Variants in ACOX3 observed in about 807,000 individuals in gnomAD.
ACOX3 encodes the protein acyl-CoA oxidase 3, pristanoyl, also known as peroxisomal acyl-coenzyme A oxidase 3.
In ACOX3, 73 loss-of-function variants were observed where a neutral mutation model predicts 81.5. The ratio of observed to expected loss-of-function variants is 0.90; its 90% CI spans 0.74 to 1.09. The LOEUF is 1.09. Among genes scored for constraint, ACOX3 ranks in the 50% least tolerant of loss-of-function variants. The probability of loss-of-function intolerance (pLI) is 0.00; values close to 1 mark genes in which losing one functional copy is unlikely to be tolerated. For missense variants in ACOX3, 947 were observed against 928.0 expected, an observed-to-expected ratio of 1.02 and a Z score of -0.27; for synonymous variants, 387 against 375.1, an observed-to-expected ratio of 1.03 and a Z score of -0.37.
chr4:8,374,062 G>A, intron 15 of ACOX3: 1 of 208,496 alleles, frequency 4.8e-6, no homozygotes, highest in South Asian at 8.2e-5. Context: ...TGGGGGCGGT[G>A]GGCACCTGCA....
At chr4:8,415,003 CAA>C (rs751494463) in intron 3 of ACOX3, 75 bp from the exon 4 acceptor site, 474 of 1,292,776 alleles carry the variant, frequency 3.7e-4, no homozygotes, top group Admixed American at 6.9e-4. Context: ...TCACAACAGA[CAA>C]CGGCACTCAA....
chr4:8,423,062 G>A lies in ACOX3; in HGVS notation c.-14-6527C>T, dbSNP rs566055954. Among the ~76,000 whole-genome samples, 3 of 152,174 alleles carry A rather than the reference G, an allele frequency of 2.0e-5. No homozygotes were observed. Among genetic ancestry groups the A allele is most frequent in the Non-Finnish European group, 2.9e-5 (2 of 68,042 alleles). ...ATGCTTGACCATTGGGGGCCAGAAGGTTAACTGTCTCCTGAACACTGGCAT... is the reference window on the plus strand; with the variant it reads ...ATGCTTGACCATTGGGGGCCAGAAGATTAACTGTCTCCTGAACACTGGCAT... On this transcript the variant is annotated intron_variant, in intron 1 of 17. Coordinates refer to ENST00000356406, the MANE Select transcript of ACOX3 (RefSeq NM_003501.3). The surrounding 1 kb of genome is among the most constrained non-coding windows in gnomAD (Gnocchi z 4.2).
chr4:8,379,609 T>C (rs538811844), intron 14 of ACOX3, among the ~76,000 whole-genome samples: 68 of 152,148 alleles, frequency 4.5e-4, no homozygotes, highest in African/African-American at 1.5e-3. Context: ...ACTCGGGGTG[T>C]TGTGGGGTCA....
At chr4:8,372,584 G>A (rs1027080117) in intron 16 of ACOX3, among the ~76,000 whole-genome samples, 1 of 152,184 alleles carries the variant, frequency 6.6e-6, no homozygotes, top group African/African-American at 2.4e-5. Flanking sequence ...ATGTTAAGAC[G>A]AGTAAATGTG....
intron 6 of ACOX3, among the ~76,000 whole-genome samples, chr4:8,409,390 G>A (rs565626039): frequency 6.9e-6 from 1 of 144,646 alleles, no homozygotes; most frequent in South Asian, 2.3e-4. Flanking sequence ...ACCGTGGGAG[G>A]GGCTGCGGGA....
chr4:8,369,470 T>TCA (rs1213165330), intron 17 of ACOX3, among the ~76,000 whole-genome samples: 2 of 152,154 alleles, frequency 1.3e-5, no homozygotes, highest in East Asian at 3.9e-4. Context: ...GCGGCAGTCA[T>TCA]CATCTGGGCT....
At position 8,414,343 on chromosome 4, in the gene ACOX3, G is replaced by A; in HGVS notation, c.492C>T (p.Gly164=). The A allele has an allele frequency of 6.2e-7, 1 of 1,614,142 alleles. No individual in the cohort carries two copies. The highest frequency in any genetic ancestry group is 8.5e-7 in the Non-Finnish European group (1 of 1,180,028). The change falls in exon 5 of 18, where the codon GGC becomes GGT. Residue 164 remains glycine, a synonymous_variant. Transcript: ENST00000356406. This position sits in a 1 kb window ranked among gnomAD's most constrained non-coding sequence, Gnocchi z 6.1. The part of the protein sequence containing the change: ...GCFALTELSH[G]SNTKAIRTTA... The stretch of plus-strand genomic sequence containing the variant: ...TTGTGCGAATGGCCTTGGTATTACT[G>A]CCGTGGCTTAATTCGGTCAGAGCAA...
intron 7 of ACOX3, among the ~76,000 whole-genome samples, chr4:8,403,412 G>A (rs1720577469): frequency 2.6e-5 from 4 of 152,296 alleles, no homozygotes; most frequent in Middle Eastern, 3.4e-3. Flanking sequence ...GGAAAGGGGC[G>A]GAGAGCAGGC....
chr4:8,417,860 C>T (rs776194383), intron 1 of ACOX3, among the ~76,000 whole-genome samples: 1 of 152,080 alleles, frequency 6.6e-6, no homozygotes, highest in African/African-American at 2.4e-5. Context: ...GAATCAAAGA[C>T]GGGACATCAC....
chr4:8,392,703 C>G (rs1719146422), intron 10 of ACOX3, among the ~76,000 whole-genome samples: 2 of 152,242 alleles, frequency 1.3e-5, no homozygotes, highest in South Asian at 4.1e-4. Context: ...AAATAGCTCT[C>G]AGGGCCCTAA....
intron 16 of ACOX3, among the ~76,000 whole-genome samples, chr4:8,371,262 G>A (rs1424979278): frequency 6.6e-6 from 1 of 152,220 alleles, no homozygotes; most frequent in African/African-American, 2.4e-5. Context: ...CCTTAAAAGT[G>A]ACGACCCTGA....
At chr4:8,436,747 G>A (rs529652920) in intron 1 of ACOX3, among the ~76,000 whole-genome samples, 35 of 151,910 alleles carry the variant, frequency 2.3e-4, no homozygotes, top group African/African-American at 8.2e-4. Flanking sequence ...CCTTTGGAAG[G>A]CCGAGGTGGG....
At position 8,407,638 on chromosome 4, in the gene ACOX3, C is replaced by T. The variant is rs989432525; in HGVS notation, c.688-1595G>A. Among the ~76,000 whole-genome samples the T allele has an allele frequency of 5.3e-5, 8 of 152,322 alleles. No individual in the cohort carries two copies. The highest frequency in any genetic ancestry group is 1.9e-4 in the East Asian group (1 of 5,186). ...GAGGACGTCGGGAATTTCATATTCA[C>T]GTTTTAGACACAGGACTCCCTGCTA... is the stretch of plus-strand genomic sequence containing the variant. On this transcript the variant is annotated intron_variant, in intron 6 of 17. Transcript: ENST00000356406. This position sits in a 1 kb window ranked among gnomAD's most constrained non-coding sequence, Gnocchi z 4.6.
chr4:8,366,461 A>C lies in ACOX3; in HGVS notation c.*500T>G, dbSNP rs1259295397. 1 of 152,388 alleles carries C rather than the reference A, an allele frequency of 6.6e-6. No homozygotes were observed. The highest frequency in any genetic ancestry group is 1.5e-5 in the Non-Finnish European group (1 of 68,146). The allele number at this position is 152,388 out of a possible 1,614,324, so 9.4% of individuals were successfully genotyped here. A position where few individuals can be genotyped will look rare whatever the true frequency, so the allele number is the denominator to read the frequency against. ...CCTTAAGTCTTAAACCACGACATTC[A>C]GATGATCTATGTGCAAATTAATAAG... is the stretch of plus-strand genomic sequence containing the variant. On this transcript the variant is annotated 3_prime_UTR_variant, in exon 18 of 18. Coordinates refer to ENST00000356406, the MANE Select transcript of ACOX3 (RefSeq NM_003501.3).
intron 7 of ACOX3, among the ~76,000 whole-genome samples, chr4:8,403,332 G>C (rs1277507378): frequency 6.6e-6 from 1 of 152,156 alleles, no homozygotes; most frequent in Non-Finnish European, 1.5e-5. Flanking sequence ...AGGGAACACT[G>C]GTATCACTGC....
intron 15 of ACOX3, chr4:8,373,843 T>G (rs1716578800): frequency 1.7e-6 from 1 of 598,414 alleles, no homozygotes; most frequent in African/African-American, 1.9e-5. Context: ...CAGGCATTGA[T>G]GGTCTCTGGC....
chr4:8,395,106 C>G (rs2108881985), intron 9 of ACOX3, among the ~76,000 whole-genome samples: 2 of 152,316 alleles, frequency 1.3e-5, no homozygotes, highest in African/African-American at 4.8e-5. Context: ...TGGCTGACAG[C>G]ATGAGCCTGT....
chr4:8,417,647 G>A (rs925649918), intron 1 of ACOX3, among the ~76,000 whole-genome samples: 1 of 152,132 alleles, frequency 6.6e-6, no homozygotes, highest in Non-Finnish European at 1.5e-5. Context: ...GAAACACAAA[G>A]TAAACTTAAA....
intron 13 of ACOX3, among the ~76,000 whole-genome samples, chr4:8,387,126 G>C (rs1024604988): frequency 6.6e-6 from 1 of 152,232 alleles, no homozygotes; most frequent in Admixed American, 6.5e-5. Flanking sequence ...GCACCTCGAG[G>C]GCGGTTCCTG....
Sources: gnomAD v4.1 joint callset for allele counts (sites outside exome capture counted in the v4.1 genomes callset) on GRCh38, gnomAD v4.1.1 for gene constraint, Gnocchi (gnomAD v3.1) non-coding constraint, MANE v1.5 for transcripts, NCBI Gene and HGNC (gene_info 2026-07-23, HGNC 2026-07-21) for gene names.